The following CPNE4 variants were observed in gnomAD, a reference collection of about 807,000 sequenced individuals.
CPNE4 encodes copine-4.
CPNE4 carries 25 observed loss-of-function variants against 67.9 expected under a neutral mutation model. That is an observed-to-expected ratio of 0.37 (90% CI 0.27 to 0.51). CPNE4 has a LOEUF of 0.51. CPNE4 is among the 20% of genes least tolerant of loss of function. CPNE4 has a pLI of 0.93. For synonymous variants in CPNE4, 242 were observed against 244.9 expected, an observed-to-expected ratio of 0.99 and a Z score of 0.11; for missense variants, 464 against 690.8, an observed-to-expected ratio of 0.67 and a Z score of 3.68.
chr3:131,935,276 T>C (rs184004472), intron 1 of CPNE4, among the ~76,000 whole-genome samples: 18 of 152,224 alleles, frequency 1.2e-4, no homozygotes, highest in Middle Eastern at 3.4e-3. Context: ...GTGAAGGCCA[T>C]GGTATATTAT....
intron 2 of CPNE4, among the ~76,000 whole-genome samples, chr3:131,803,378 G>A (rs1324405376): frequency 6.6e-6 from 1 of 152,156 alleles, no homozygotes; most frequent in Non-Finnish European, 1.5e-5. Flanking sequence ...TACTCATTTA[G>A]TTTGTTATCT....
intron 2 of CPNE4, among the ~76,000 whole-genome samples, chr3:131,823,311 G>A (rs533367272): frequency 1.3e-5 from 2 of 152,146 alleles, no homozygotes; most frequent in East Asian, 1.9e-4. Flanking sequence ...AATTTTCACC[G>A]AATGAATGTG....
At chr3:131,764,769 T>G (rs1257046284) in intron 2 of CPNE4, among the ~76,000 whole-genome samples, 1 of 152,126 alleles carries the variant, frequency 6.6e-6, no homozygotes, top group African/African-American at 2.4e-5. Flanking sequence ...TTAATTTGTG[T>G]ATTTACTGGT....
chr3:131,933,766 G>A (rs2071138275), intron 1 of CPNE4, among the ~76,000 whole-genome samples: 1 of 147,968 alleles, frequency 6.8e-6, no homozygotes, highest in Non-Finnish European at 1.5e-5. Flanking sequence ...TATGCTAAGT[G>A]AAATAAGCCA....
At chr3:131,650,236 A>G (rs550823998) in intron 7 of CPNE4, among the ~76,000 whole-genome samples, 58 of 152,220 alleles carry the variant, frequency 3.8e-4, no homozygotes, top group Non-Finnish European at 7.2e-4. Context: ...ACCATATATG[A>G]CATAAAAAAT....
intron 2 of CPNE4, among the ~76,000 whole-genome samples, chr3:131,755,766 T>C (rs1213087433): frequency 2.0e-5 from 3 of 152,240 alleles, no homozygotes; most frequent in African/African-American, 4.8e-5. Context: ...TACATTATTA[T>C]TGTAAAATAA....
At chr3:131,561,367 A>C (rs575369693) in intron 11 of CPNE4, among the ~76,000 whole-genome samples, 3 of 151,800 alleles carry the variant, frequency 2.0e-5, no homozygotes, top group African/African-American at 7.2e-5. Context: ...GCGCACATAC[A>C]TGCGTGTGTG....
chr3:131,656,399 T>C (rs1405563957), intron 7 of CPNE4, among the ~76,000 whole-genome samples: 2 of 152,152 alleles, frequency 1.3e-5, no homozygotes, highest in African/African-American at 4.8e-5. Context: ...AGCATCGATA[T>C]ATGTGGAGAT....
At position 131,684,752 on chromosome 3, in the gene CPNE4, G is replaced by A. The variant is rs545577838; in HGVS notation, c.591+1123C>T. 1.1e-4 allele frequency among the ~76,000 whole-genome samples: 16 copies of A among 152,278 alleles called. No homozygotes were observed. In the South Asian group the frequency reaches 3.3e-3, roughly 32 times the overall value. On this transcript the variant is annotated intron_variant, in intron 6 of 15. Transcript: ENST00000429747. ...CTCAGCTCCAAGTAATTCAGCACAA[G>A]AATATCACTTCCTTCTTATCAATGT... is the stretch of plus-strand genomic sequence containing the variant.
chr3:131,903,725 A>G (rs2088638931), intron 2 of CPNE4, among the ~76,000 whole-genome samples: 1 of 152,136 alleles, frequency 6.6e-6, no homozygotes, highest in Non-Finnish European at 1.5e-5. Context: ...TGAAAGAACT[A>G]AACTGGTAAT....
rs1050500165 is a variant in CPNE4, at chr3:131,535,080, A to G, written c.*115T>C. 1.8e-6 allele frequency: 2 copies of G among 1,139,604 alleles called. No individual in the cohort carries two copies. Among genetic ancestry groups the G allele is most frequent in the African/African-American group, 3.2e-5 (2 of 63,288 alleles). The allele number at this position is 1,139,604 out of a possible 1,614,324, so 70.6% of individuals were successfully genotyped here. On this transcript the variant is annotated 3_prime_UTR_variant, in exon 16 of 16. Transcript: ENST00000429747. ...TAGTTAAAAATCACCAAAACGTGCT[A>G]TTTTTAAATGTGTATATGTTGTTGG...
chr3:131,799,150 C>T (rs2084002323), intron 2 of CPNE4, among the ~76,000 whole-genome samples: 1 of 151,998 alleles, frequency 6.6e-6, no homozygotes. Context: ...ATGTTTTTAA[C>T]TTTTTAAGCT....
At chr3:131,778,306 T>C (rs1441695272) in intron 2 of CPNE4, among the ~76,000 whole-genome samples, 3 of 152,098 alleles carry the variant, frequency 2.0e-5, no homozygotes, top group Non-Finnish European at 2.9e-5. Flanking sequence ...TCCTATCGTG[T>C]ACCCTTCCCA....
intron 1 of CPNE4, 145 bp from the exon 2 acceptor site, chr3:131,905,589 G>A (rs2088717035): frequency 2.8e-6 from 2 of 704,528 alleles, no homozygotes; most frequent in Non-Finnish European, 4.6e-6. Context: ...TTCCAACCCA[G>A]TGACACAGTT....
In CPNE4 at chr3:131,642,134, A is replaced by G. The variant is rs370691353; in HGVS notation, c.681+27541T>C. On this transcript the variant is annotated intron_variant, in intron 7 of 15. Coordinates refer to ENST00000429747, the MANE Select transcript of CPNE4 (RefSeq NM_130808.3). The stretch of plus-strand genomic sequence containing the variant: ...GAATTTATTCATGTAACCAAATGCC[A>G]GCTGTTCCCCCAAAATTTATTGAAA... 1.2e-4 allele frequency among the ~76,000 whole-genome samples: 18 copies of G among 152,330 alleles called. No individual in the cohort carries two copies. In the East Asian group the frequency reaches 1.7e-3, roughly 15 times the overall value.
intron 2 of CPNE4, among the ~76,000 whole-genome samples, chr3:131,870,516 C>T (rs1042218776): frequency 1.3e-5 from 2 of 152,084 alleles, no homozygotes; most frequent in African/African-American, 4.8e-5. Flanking sequence ...GATCAAAGAA[C>T]AGGGAAAGGA....
chr3:131,539,205 G>A (rs79857441), intron 15 of CPNE4, among the ~76,000 whole-genome samples: 1,800 of 152,192 alleles, frequency 0.012, 31 homozygotes, highest in African/African-American at 0.028. Context: ...GTGAGTATGC[G>A]CCTGGTGTTC....
chr3:131,852,568 GGT>G (rs991863168), intron 2 of CPNE4, among the ~76,000 whole-genome samples: 3 of 151,914 alleles, frequency 2.0e-5, no homozygotes, highest in African/African-American at 7.2e-5. Context: ...CATATTTTAT[GGT>G]GAAACAATAA....
chr3:131,741,220 A>T (rs2082350377), intron 2 of CPNE4, among the ~76,000 whole-genome samples: 1 of 152,146 alleles, frequency 6.6e-6, no homozygotes, highest in African/African-American at 2.4e-5. Context: ...ACAGTATTTA[A>T]AATATTAACA....
Sources: allele counts gnomAD v4.1 joint callset (sites outside exome capture counted in the v4.1 genomes callset), GRCh38; gene constraint gnomAD v4.1.1; transcripts MANE v1.5; gene names NCBI Gene and HGNC (gene_info 2026-07-23, HGNC 2026-07-21).